The following INSYN2B variants were observed in gnomAD, a reference collection of about 807,000 sequenced individuals.
The protein encoded by INSYN2B is inhibitory synaptic factor family member 2B.
A neutral mutation model predicts 41.2 loss-of-function variants in INSYN2B; 16 were observed. That is an observed-to-expected ratio of 0.39 (90% confidence interval 0.26 to 0.59). INSYN2B has a LOEUF of 0.59. INSYN2B is among the 20% of genes least tolerant of loss of function. The pLI is 0.57. For missense variants in INSYN2B, 608 were observed against 646.4 expected, an observed-to-expected ratio of 0.94 and a Z score of 0.64; for synonymous variants, 245 against 244.4, an observed-to-expected ratio of 1.00 and a Z score of -0.02.
intron 1 of INSYN2B, among the ~76,000 whole-genome samples, chr5:169,888,951 C>T (rs2113530853): frequency 6.6e-6 from 1 of 152,278 alleles, no homozygotes; most frequent in East Asian, 1.9e-4. Flanking sequence ...CCTGCCGTCT[C>T]TGTACTTTGT....
At chr5:169,878,276 A>G (rs1333212804) in intron 3 of INSYN2B, among the ~76,000 whole-genome samples, 1 of 151,320 alleles carries the variant, frequency 6.6e-6, no homozygotes, top group Non-Finnish European at 1.5e-5. Flanking sequence ...CTCCACCTTC[A>G]TGGTTTTTGC....
chr5:169,929,620 G>A (rs1775645329), intron 1 of INSYN2B, among the ~76,000 whole-genome samples: 1 of 151,974 alleles, frequency 6.6e-6, no homozygotes, highest in East Asian at 1.9e-4. Context: ...GCACATGCCT[G>A]TAGTCCCTGC....
At position 169,972,161 on chromosome 5, in the gene INSYN2B, A is replaced by G. The variant is rs1409575335; in HGVS notation, c.-919+8116T>C. On this transcript the variant is annotated intron_variant, in intron 1 of 3. Coordinates refer to ENST00000377365, the MANE Select transcript of INSYN2B (RefSeq NM_001129891.3). ...CTTTCCCATTCTTAGCTCAATCTCT[A>G]TCAATCTTGTAGTTTCTCAAATCCT... Among the ~76,000 whole-genome samples the G allele has an allele frequency of 3.9e-5, 6 of 152,212 alleles. No homozygotes were observed. In the East Asian group the frequency reaches 7.7e-4, roughly 20 times the overall value.
At chr5:169,950,884 T>G (rs1008410726) in intron 1 of INSYN2B, among the ~76,000 whole-genome samples, 2 of 152,246 alleles carry the variant, frequency 1.3e-5, no homozygotes, top group African/African-American at 4.8e-5. Flanking sequence ...ACGGGGCAGA[T>G]GTGGCCTGTG....
At chr5:169,909,925 C>T (rs1426789112) in intron 1 of INSYN2B, among the ~76,000 whole-genome samples, 2 of 152,186 alleles carry the variant, frequency 1.3e-5, no homozygotes, top group Admixed American at 6.5e-5. Context: ...CTCAGTCCCA[C>T]AATTGACCCT....
chr5:169,968,349 C>A (rs922569682), intron 1 of INSYN2B, among the ~76,000 whole-genome samples: 1 of 152,172 alleles, frequency 6.6e-6, no homozygotes, highest in South Asian at 2.1e-4. Context: ...TCCAGCCACT[C>A]CCCTCCTTGA....
At position 169,862,785 on chromosome 5, in the gene INSYN2B, A is replaced by G. The variant is rs554817311; in HGVS notation, c.*1488T>C. Reference sequence around the variant, plus strand: ...CACTATGACAGGGGAAGGTGAAACCATCGGAGTGGTTTGCTCAATTAGGCT... The same window carrying G: ...CACTATGACAGGGGAAGGTGAAACCGTCGGAGTGGTTTGCTCAATTAGGCT... On this transcript the variant is annotated 3_prime_UTR_variant, in exon 4 of 4. Coordinates refer to ENST00000377365, the MANE Select transcript of INSYN2B (RefSeq NM_001129891.3). Among the ~76,000 whole-genome samples the G allele has an allele frequency of 1.5e-4, 23 of 152,354 alleles. No individual in the cohort carries two copies. The South Asian group carries it at 4.6e-3, about 30-fold the overall frequency.
chr5:169,927,274 G>C (rs532779413), intron 1 of INSYN2B, among the ~76,000 whole-genome samples: 2 of 152,150 alleles, frequency 1.3e-5, no homozygotes, highest in African/African-American at 4.8e-5. Context: ...AGATCCTCTA[G>C]AGCCTTGTAG....
chr5:169,961,197 GC>G (rs1242632730), intron 1 of INSYN2B, among the ~76,000 whole-genome samples: 2 of 152,192 alleles, frequency 1.3e-5, no homozygotes, highest in Non-Finnish European at 2.9e-5. Context: ...TAAATGGGTA[GC>G]CCCCCAAGGG....
At chr5:169,885,787 A>G (rs1772936104) in intron 1 of INSYN2B, among the ~76,000 whole-genome samples, 1 of 152,250 alleles carries the variant, frequency 6.6e-6, no homozygotes, top group Admixed American at 6.5e-5. Flanking sequence ...TTACAGTTGA[A>G]TAAACCGAGG....
intron 1 of INSYN2B, among the ~76,000 whole-genome samples, chr5:169,954,860 C>T (rs557478546): frequency 1.5e-4 from 23 of 152,310 alleles, no homozygotes; most frequent in African/African-American, 5.5e-4. Context: ...AACCCAATGA[C>T]CAAATCAACA....
intron 1 of INSYN2B, among the ~76,000 whole-genome samples, chr5:169,891,995 CAA>C (rs571918885): frequency 4.4e-4 from 28 of 64,230 alleles, no homozygotes; most frequent in Non-Finnish European, 5.9e-4. Context: ...GATTCCGTCC[CAA>C]AAAAAAAAAA....
chr5:169,953,347 A>AG (rs1491109761), intron 1 of INSYN2B, among the ~76,000 whole-genome samples: 20 of 151,078 alleles, frequency 1.3e-4, no homozygotes, highest in East Asian at 3.9e-4. Context: ...AAAAAAAAAA[A>AG]AGAGAGAGAG....
intron 1 of INSYN2B, among the ~76,000 whole-genome samples, chr5:169,936,308 A>G (rs1165764420): frequency 1.4e-4 from 22 of 152,176 alleles, no homozygotes; most frequent in Admixed American, 1.4e-3. Context: ...AGGCTGCAGC[A>G]AGGGCAGTGG....
intron 1 of INSYN2B, among the ~76,000 whole-genome samples, chr5:169,941,312 A>G (rs1776235590): frequency 6.6e-6 from 1 of 152,264 alleles, no homozygotes; most frequent in South Asian, 2.1e-4. Context: ...GGTTCAAGCA[A>G]TTCTCCTGTC....
chr5:169,909,103 T>C (rs997686922), intron 1 of INSYN2B, among the ~76,000 whole-genome samples: 8 of 152,218 alleles, frequency 5.3e-5, no homozygotes, highest in Non-Finnish European at 1.5e-5. Context: ...GGAGAGTCTG[T>C]GGATGATTTC....
At chr5:169,933,705 C>T (rs1360569332) in intron 1 of INSYN2B, among the ~76,000 whole-genome samples, 1 of 152,150 alleles carries the variant, frequency 6.6e-6, no homozygotes, top group Non-Finnish European at 1.5e-5. Context: ...TGTGTATCAG[C>T]CTTCAAGCAG....
chr5:169,932,490 G>T (rs998395790), intron 1 of INSYN2B, among the ~76,000 whole-genome samples: 2 of 152,222 alleles, frequency 1.3e-5, no homozygotes, highest in Admixed American at 6.5e-5. Flanking sequence ...GATGGAACAT[G>T]CTTCTGGGTG....
intron 1 of INSYN2B, among the ~76,000 whole-genome samples, chr5:169,943,049 T>G (rs1776302624): frequency 6.6e-6 from 1 of 152,228 alleles, no homozygotes; most frequent in Non-Finnish European, 1.5e-5. Context: ...TGTGTTGGGC[T>G]GGGCTGGAGG....
Sources: allele counts gnomAD v4.1 joint callset (sites outside exome capture counted in the v4.1 genomes callset), GRCh38; gene constraint gnomAD v4.1.1; transcripts MANE v1.5; gene names NCBI Gene and HGNC (gene_info 2026-07-23, HGNC 2026-07-21).